Variants in CELSR1 observed in about 807,000 individuals in gnomAD.
The protein encoded by CELSR1 is adhesion G protein-coupled receptor C1.
In CELSR1, 110 loss-of-function variants were observed where a neutral mutation model predicts 249.1. The ratio of observed to expected loss-of-function variants is 0.44; its 90% CI spans 0.38 to 0.52. CELSR1 has a LOEUF of 0.52. CELSR1 is among the 20% of genes least tolerant of loss of function. The pLI, the probability that CELSR1 is intolerant of heterozygous loss-of-function variation, is 0.00. For synonymous variants in CELSR1, 2,113 were observed against 1,900.0 expected (o/e 1.11, Z -2.92); for missense variants, 4,109 against 4,296.4 (o/e 0.96, Z 1.22).
In CELSR1 at chr22:46,430,347, A is replaced by C. The variant is rs369664091; in HGVS notation, c.4611+3046T>G. On this transcript the variant is annotated intron_variant, in intron 5 of 34. Transcript: ENST00000674500. The surrounding 1 kb of genome is among the most constrained non-coding windows in gnomAD (Gnocchi z 4.6). ...AACCAGCGAGGTGGTGTGGCAGGTA[A>C]ATGGAGCGTGCTGGGGCAAGGACAC... Among the ~76,000 whole-genome samples the C allele has an allele frequency of 1.3e-5, 2 of 152,130 alleles. No homozygotes were observed. Among genetic ancestry groups the C allele is most frequent in the South Asian group, 4.1e-4 (2 of 4,836 alleles).
intron 5 of CELSR1, among the ~76,000 whole-genome samples, chr22:46,420,631 CCTTGCACACAGT>C (rs1187564939): frequency 6.6e-5 from 10 of 151,688 alleles, no homozygotes; most frequent in Non-Finnish European, 1.5e-4. Flanking sequence ...TACACACTCA[CCTTGCACACAGT>C]CTTGCACACT....
intron 2 of CELSR1, among the ~76,000 whole-genome samples, chr22:46,460,696 G>A (rs559041631): frequency 1.1e-4 from 17 of 152,246 alleles, no homozygotes; most frequent in African/African-American, 2.4e-4. Context: ...CTAAGATGCC[G>A]GAGCCTTAAG....
At chr22:46,491,666 A>ATTTTTTTTTTTTTTTT (rs2080369157) in intron 1 of CELSR1, among the ~76,000 whole-genome samples, 1 of 114,132 alleles carries the variant, frequency 8.8e-6, no homozygotes. Context: ...ACAGGGTGTT[A>ATTTTTTTTTTTTTTTT]TTCTGTCACC....
chr22:46,453,229 G>A lies in CELSR1; in HGVS notation c.4183+10478C>T, dbSNP rs1374881460. On this transcript the variant is annotated intron_variant, in intron 2 of 34. Transcript: ENST00000674500. ...TGGAAGGGACGTGCCCGGTGCGTTC[G>A]TTATCAGCATGCAGGGAAACCGTGC... Among the ~76,000 whole-genome samples the A allele has an allele frequency of 2.0e-5, 3 of 152,172 alleles. No individual in the cohort carries two copies. The East Asian group carries it at 5.8e-4, about 29-fold the overall frequency.
chr22:46,509,145 C>T (rs1602225726), intron 1 of CELSR1, among the ~76,000 whole-genome samples: 1 of 152,078 alleles, frequency 6.6e-6, no homozygotes, highest in Admixed American at 6.5e-5. Flanking sequence ...TGGGGGGCTG[C>T]GAGGACACTT....
At position 46,448,552 on chromosome 22, in the gene CELSR1, C is replaced by CT. The variant is rs1190723664; in HGVS notation, c.4184-9142dup. The CT allele has an allele frequency of 2.3e-6, 1 of 440,632 alleles. No individual in the cohort carries two copies. The highest frequency in any genetic ancestry group is 2.0e-5 in the African/African-American group (1 of 49,360). The allele number at this position is 440,632 out of a possible 1,614,324, so 27.3% of individuals were successfully genotyped here. A position where few individuals can be genotyped will look rare whatever the true frequency, so the allele number is the denominator to read the frequency against. ...AAATAAATAAAAAGACAATTCCTTT[C>CT]TGGTCCTAAGAAACAGCTAAGAGCT... On this transcript the variant is annotated intron_variant, in intron 2 of 34. Transcript: ENST00000674500. This position sits in a 1 kb window ranked among gnomAD's most constrained non-coding sequence, Gnocchi z 5.7.
chr22:46,536,878 G>T lies in CELSR1; in HGVS notation c.293C>A (p.Pro98Gln). The T allele has an allele frequency of 8.1e-7, 1 of 1,227,306 alleles. No individual in the cohort carries two copies. The highest frequency in any genetic ancestry group is 1.0e-6 in the Non-Finnish European group (1 of 979,630). The allele number at this position is 1,227,306 out of a possible 1,614,324, so 76.0% of individuals were successfully genotyped here. ...LQVRLVARSA[P>Q]TALSRRLRAR... ...CCGCAGGCGGCGGCTCAGCGCCGTC[G>T]GGGCACTGCGGGCCACCAAGCGGAC... The change falls in exon 1 of 35, where the codon CCG becomes CAG. Residue 98 changes from proline (P) to glutamine (Q), a missense_variant. Pro to Gln is a moderately conservative substitution (Grantham distance 76). Transcript: ENST00000674500.
rs1002245088 is a variant in CELSR1, at chr22:46,429,011, C to T, written c.4611+4382G>A. On this transcript the variant is annotated intron_variant, in intron 5 of 34. Transcript: ENST00000674500. The surrounding 1 kb of genome is among the most constrained non-coding windows in gnomAD (Gnocchi z 4.1). Reference sequence around the variant, plus strand: ...CATCTTGCTGGCACGTCTGTGTCCCCGACCCTGCCAGGAGCTCCTGGAACA... The same window carrying T: ...CATCTTGCTGGCACGTCTGTGTCCCTGACCCTGCCAGGAGCTCCTGGAACA... Among the ~76,000 whole-genome samples the T allele has an allele frequency of 9.2e-5, 14 of 152,126 alleles. No homozygotes were observed. Among genetic ancestry groups the T allele is most frequent in the African/African-American group, 2.4e-4 (10 of 41,434 alleles).
intron 1 of CELSR1, among the ~76,000 whole-genome samples, chr22:46,507,715 GCCGCCCGAAGCC>G (rs1331035105): frequency 6.6e-6 from 1 of 152,110 alleles, no homozygotes; most frequent in Non-Finnish European, 1.5e-5. Flanking sequence ...TGCTGGCTGT[GCCGCCCGAAGCC>G]CCGCCCCTAG....
At chr22:46,530,055 A>G (rs1485024660) in intron 1 of CELSR1, among the ~76,000 whole-genome samples, 1 of 152,064 alleles carries the variant, frequency 6.6e-6, no homozygotes, top group Non-Finnish European at 1.5e-5. Context: ...CATGCCTATA[A>G]TTTCAGCACT....
At chr22:46,459,382 G>A (rs1284805304) in intron 2 of CELSR1, among the ~76,000 whole-genome samples, 1 of 152,200 alleles carries the variant, frequency 6.6e-6, no homozygotes, top group Non-Finnish European at 1.5e-5. Context: ...CCCCTCCGGG[G>A]CCACTGCATA....
Position 46,536,579 on chromosome 22 carries a change from G to A in CELSR1, c.592C>T (p.Leu198=). 1.6e-6 allele frequency: 2 copies of A among 1,242,852 alleles called. No homozygotes were observed. The highest frequency in any genetic ancestry group is 2.0e-6 in the Non-Finnish European group (2 of 997,310). 77.0% of individuals were successfully genotyped at this position (1,242,852 alleles called of 1,614,324 possible). ...RRAAGAVRVG[L]ALEAATAGTP... is the part of the protein sequence containing the mutation. ...CCCGCGGTGGCGGCCTCCAGCGCCA[G>A]TCCCACCCGGACGGCGCCAGCCGCG... is the stretch of plus-strand genomic sequence containing the variant. The change falls in exon 1 of 35, where the codon CTG becomes TTG. Residue 198 remains leucine, a synonymous_variant. Transcript: ENST00000674500.
intron 5 of CELSR1, among the ~76,000 whole-genome samples, chr22:46,416,705 C>T (rs376166509): frequency 6.6e-6 from 1 of 152,098 alleles, no homozygotes; most frequent in African/African-American, 2.4e-5. Context: ...TGTGCAGATC[C>T]GGAATCCTGC....
intron 13 of CELSR1, 107 bp from the exon 14 acceptor site, chr22:46,394,369 G>A (rs1314645046): frequency 1.5e-6 from 2 of 1,367,192 alleles, no homozygotes; most frequent in Non-Finnish European, 2.0e-6. Context: ...AGGCCTGGCT[G>A]GGTCCAGCTC....
In CELSR1 at chr22:46,362,953, T is replaced by C; in HGVS notation, c.*270A>G. On this transcript the variant is annotated 3_prime_UTR_variant, in exon 35 of 35. Coordinates refer to ENST00000674500, the MANE Select transcript of CELSR1 (RefSeq NM_001378328.1). ...TTAGGACTCAGCGGTGCTGGCCCAG[T>C]GGTCCACGCCTCCCTCATGCCTGTG... is the stretch of plus-strand genomic sequence containing the variant. The C allele has an allele frequency of 3.3e-6, 2 of 599,666 alleles. No homozygotes were observed. Among genetic ancestry groups the C allele is most frequent in the Non-Finnish European group, 5.8e-6 (2 of 342,098 alleles). The allele number at this position is 599,666 out of a possible 1,614,324, so 37.1% of individuals were successfully genotyped here. A position where few individuals can be genotyped will look rare whatever the true frequency, so the allele number is the denominator to read the frequency against.
intron 27 of CELSR1, among the ~76,000 whole-genome samples, chr22:46,368,174 G>C (rs1162379072): frequency 1.3e-5 from 2 of 152,204 alleles, no homozygotes; most frequent in Non-Finnish European, 2.9e-5. Flanking sequence ...TAGCTCCCGT[G>C]AGATACCCTG....
At position 46,536,817 on chromosome 22, in the gene CELSR1, G is replaced by A. The variant is rs1370218789; in HGVS notation, c.354C>T (p.Ala118=). ...GCCGGGCACCGGTTCCGCAGAGCCG[G>A]GCACGGGCTCCGCAGCCGGGAAGGT... The part of the protein sequence containing the change: ...RTHLPGCGAR[A]RLCGTGARLC... Residue 118 remains alanine, a synonymous_variant, in exon 1 of 35, where the codon GCC becomes GCT. Coordinates refer to ENST00000674500, the MANE Select transcript of CELSR1 (RefSeq NM_001378328.1). The A allele has an allele frequency of 1.7e-6, 2 of 1,207,318 alleles. No individual in the cohort carries two copies. Among genetic ancestry groups the A allele is most frequent in the East Asian group, 7.6e-5 (2 of 26,216 alleles). 74.8% of individuals were successfully genotyped at this position (1,207,318 alleles called of 1,614,324 possible).
Position 46,441,238 on chromosome 22 carries a change from A to T in CELSR1, c.4184-1827T>A, listed in dbSNP as rs542803199. Among the ~76,000 whole-genome samples, 1 of 151,782 alleles carries T rather than the reference A, an allele frequency of 6.6e-6. No individual in the cohort carries two copies. Among genetic ancestry groups the T allele is most frequent in the East Asian group, 1.9e-4 (1 of 5,174 alleles). On this transcript the variant is annotated intron_variant, in intron 2 of 34. Coordinates refer to ENST00000674500, the MANE Select transcript of CELSR1 (RefSeq NM_001378328.1). This position sits in a 1 kb window ranked among gnomAD's most constrained non-coding sequence, Gnocchi z 6.1. Reference sequence around the variant, plus strand: ...GGATACTCAGTGCATAACCCAGCATACCCTTCAAATGGCAGCATCTTCCTG... The same window carrying T: ...GGATACTCAGTGCATAACCCAGCATTCCCTTCAAATGGCAGCATCTTCCTG...
At chr22:46,416,235 CTGAGT>C (rs1257417297) in intron 5 of CELSR1, among the ~76,000 whole-genome samples, 2 of 152,204 alleles carry the variant, frequency 1.3e-5, no homozygotes, top group Non-Finnish European at 2.9e-5. Context: ...AGGGTTGTGT[CTGAGT>C]TTTTTCTCAA....
Sources: allele counts gnomAD v4.1 joint callset (sites outside exome capture counted in the v4.1 genomes callset), GRCh38; gene constraint gnomAD v4.1.1; non-coding constraint Gnocchi (gnomAD v3.1); transcripts MANE v1.5; gene names NCBI Gene and HGNC (gene_info 2026-07-23, HGNC 2026-07-21).